The following TM2D1 variants were observed in gnomAD, a reference collection of about 807,000 sequenced individuals.
TM2D1 encodes TM2 domain-containing protein 1.
A neutral mutation model predicts 28.4 loss-of-function variants in TM2D1; 15 were observed. The observed-to-expected ratio is 0.53, with a 90% CI of 0.35 to 0.81. The LOEUF is 0.81. TM2D1 is among the 40% of genes least tolerant of loss of function. The pLI is 0.01. For missense variants in TM2D1, 236 were observed against 254.9 expected, an observed-to-expected ratio of 0.93 and a Z score of 0.50; for synonymous variants, 93 against 96.2, an observed-to-expected ratio of 0.97 and a Z score of 0.20.
chr1:61,686,659 T>C (rs562444719), intron 5 of TM2D1: 2 of 362,126 alleles, frequency 5.5e-6, no homozygotes, highest in South Asian at 1.1e-4. Context: ...AGTGAGGCTC[T>C]ATCTCAAAGA....
chr1:61,709,681 C>T (rs1403624209), intron 2 of TM2D1, among the ~76,000 whole-genome samples: 1 of 152,238 alleles, frequency 6.6e-6, no homozygotes, highest in East Asian at 1.9e-4. Flanking sequence ...GATGCATGGC[C>T]AATCTATAAT....
chr1:61,700,359 A>G, intron 4 of TM2D1: 1 of 1,318,348 alleles, frequency 7.6e-7, no homozygotes, highest in Middle Eastern at 2.0e-4. Flanking sequence ...TACTGTTTAA[A>G]CAAAAGCTAT....
At chr1:61,698,170 T>G (rs1236948758) in intron 4 of TM2D1, 1 of 152,222 alleles carries the variant, frequency 6.6e-6, no homozygotes, top group African/African-American at 2.4e-5. Flanking sequence ...TAGTTTTTTT[T>G]GATATTCATA....
At chr1:61,691,932 A>AAAAAAAAAAATATAT in intron 5 of TM2D1, among the ~76,000 whole-genome samples, 38 of 76,394 alleles carry the variant, frequency 5.0e-4, no homozygotes, top group East Asian at 9.5e-4. Context: ...AAAAAAAAAA[A>AAAAAAAAAAATATAT]ATATATATAT....
chr1:61,696,513 G>A (rs1314083875), intron 4 of TM2D1, among the ~76,000 whole-genome samples: 1 of 148,798 alleles, frequency 6.7e-6, no homozygotes, highest in African/African-American at 2.5e-5. Context: ...GACTCCAGCC[G>A]GGGCAACAAA....
At chr1:61,706,083 C>T (rs571085604) in intron 3 of TM2D1, among the ~76,000 whole-genome samples, 15 of 152,294 alleles carry the variant, frequency 9.8e-5, no homozygotes, top group African/African-American at 3.6e-4. Context: ...TTTTGGTAGG[C>T]ACATACCTAA....
At chr1:61,689,563 G>C (rs1207919718) in intron 5 of TM2D1, among the ~76,000 whole-genome samples, 1 of 152,052 alleles carries the variant, frequency 6.6e-6, no homozygotes, top group African/African-American at 2.4e-5. Flanking sequence ...TGTAGATAAG[G>C]AGTTTCACTG....
At chr1:61,689,861 A>C (rs976103515) in intron 5 of TM2D1, among the ~76,000 whole-genome samples, 1 of 152,174 alleles carries the variant, frequency 6.6e-6, no homozygotes, top group Non-Finnish European at 1.5e-5. Context: ...GACACTGTGC[A>C]ATTCAGGAAT....
intron 2 of TM2D1, among the ~76,000 whole-genome samples, chr1:61,719,876 A>G (rs994824156): frequency 4.6e-5 from 7 of 152,228 alleles, no homozygotes; most frequent in African/African-American, 1.7e-4. Flanking sequence ...AAGATAAAAA[A>G]TAATATACTG....
chr1:61,723,565 T>G, intron 2 of TM2D1, 148 bp downstream of exon 2: 1 of 441,570 alleles, frequency 2.3e-6, no homozygotes, highest in Non-Finnish European at 4.0e-6. Context: ...TCTAGGTAGT[T>G]CTCCAGTTTT....
At chr1:61,719,961 A>C (rs1040479097) in intron 2 of TM2D1, among the ~76,000 whole-genome samples, 1 of 152,256 alleles carries the variant, frequency 6.6e-6, no homozygotes, top group Admixed American at 6.5e-5. Context: ...TGACTATAAA[A>C]GACTATGAAG....
At position 61,691,932 on chromosome 1, in the gene TM2D1, A is replaced by AAAAAAAAAATATATAT; in HGVS notation, c.513+2764_513+2765insATATATATTTTTTTTT. On this transcript the variant is annotated intron_variant, in intron 5 of 6. Transcript: ENST00000606498. Reference sequence around the variant, plus strand: ...TCTCAAAAAAAACTTAAAAAAAAAAAATATATATATATATATATATATATA... The same window carrying AAAAAAAAAATATATAT: ...TCTCAAAAAAAACTTAAAAAAAAAAAAAAAAAAAATATATATATATATATATATATATATATATATA... 1.5e-3 allele frequency among the ~76,000 whole-genome samples: 113 copies of AAAAAAAAAATATATAT among 76,326 alleles called. 1 individual carries two copies. The highest frequency in any genetic ancestry group is 2.3e-3 in the Non-Finnish European group (90 of 38,766). The allele number at this position is 76,326 out of a possible 152,430, so 50.1% of individuals were successfully genotyped here. A position where few individuals can be genotyped will look rare whatever the true frequency, so the allele number is the denominator to read the frequency against.
chr1:61,709,677 T>C (rs895824330), intron 2 of TM2D1, among the ~76,000 whole-genome samples: 1 of 152,298 alleles, frequency 6.6e-6, no homozygotes, highest in East Asian at 1.9e-4. Flanking sequence ...ACTAGATGCA[T>C]GGCCAATCTA....
chr1:61,686,880 G>T, intron 5 of TM2D1: 1 of 933,130 alleles, frequency 1.1e-6, no homozygotes, highest in Non-Finnish European at 1.3e-6. Context: ...TTATGATCAC[G>T]CCACTGCACT....
chr1:61,693,934 A>G (rs1285159258), intron 5 of TM2D1, among the ~76,000 whole-genome samples: 1 of 152,226 alleles, frequency 6.6e-6, no homozygotes, highest in Admixed American at 6.5e-5. Flanking sequence ...TCAGTTCTAC[A>G]TAATTTAACA....
chr1:61,713,411 T>A (rs553381266), intron 2 of TM2D1, among the ~76,000 whole-genome samples: 2 of 140,626 alleles, frequency 1.4e-5, no homozygotes, highest in Non-Finnish European at 3.0e-5. Flanking sequence ...CTGGGAGACA[T>A]AGGTTGCAGT....
At chr1:61,682,828 C>T (rs1040800077) in intron 6 of TM2D1, among the ~76,000 whole-genome samples, 1 of 147,988 alleles carries the variant, frequency 6.8e-6, no homozygotes, top group Non-Finnish European at 1.5e-5. Flanking sequence ...GGGAGGCAGA[C>T]GTTGCAGTGA....
At chr1:61,698,375 C>T (rs1570105889) in intron 4 of TM2D1, 1 of 152,348 alleles carries the variant, frequency 6.6e-6, no homozygotes, top group East Asian at 1.9e-4. Flanking sequence ...GCCTGACCAA[C>T]ATGGAGAAAC....
chr1:61,697,887 C>G (rs1264777521), intron 4 of TM2D1: 2 of 152,138 alleles, frequency 1.3e-5, no homozygotes, highest in African/African-American at 4.8e-5. Context: ...CAGTTCCAAA[C>G]AAAGATATTA....
Sources: allele counts gnomAD v4.1 joint callset (sites outside exome capture counted in the v4.1 genomes callset), GRCh38; gene constraint gnomAD v4.1.1; transcripts MANE v1.5; gene names NCBI Gene and HGNC (gene_info 2026-07-23, HGNC 2026-07-21).